The following LRRC41 variants were observed in gnomAD, a reference collection of about 807,000 sequenced individuals.
The protein encoded by LRRC41 is leucine-rich repeat-containing protein 41.
A neutral mutation model predicts 72.1 loss-of-function variants in LRRC41; 17 were observed. The ratio of observed to expected loss-of-function variants is 0.24; its 90% CI spans 0.16 to 0.35. The LOEUF (loss-of-function observed/expected upper bound fraction) is 0.35. Ranked by LOEUF, LRRC41 falls within the 10% of genes least tolerant of loss-of-function variation. LRRC41 has a pLI of 1.00. For synonymous variants in LRRC41, 427 were observed against 431.0 expected (o/e 0.99, Z 0.11); for missense variants, 759 against 1,065.0 (o/e 0.71, Z 4.00).
intron 4 of LRRC41, among the ~76,000 whole-genome samples, chr1:46,283,006 A>G (rs1024722062): frequency 1.3e-5 from 2 of 151,656 alleles, no homozygotes; most frequent in South Asian, 4.2e-4. Context: ...CCTGGGTGAC[A>G]ACAGAGACTC....
At chr1:46,301,612 T>G (rs1661224805) in intron 1 of LRRC41, among the ~76,000 whole-genome samples, 1 of 151,772 alleles carries the variant, frequency 6.6e-6, no homozygotes, top group African/African-American at 2.4e-5. Context: ...CTCCAGCTTA[T>G]CCCGGAGCTT....
intron 2 of LRRC41, 42 bp downstream of exon 2, chr1:46,298,242 G>GA: frequency 7.4e-7 from 1 of 1,345,918 alleles, no homozygotes; most frequent in Non-Finnish European, 1.1e-6. Flanking sequence ...ATGGTGCCTT[G>GA]CTCATAATCA....
chr1:46,298,144 A>G (rs1661159841), intron 2 of LRRC41, 140 bp downstream of exon 2: 1 of 597,968 alleles, frequency 1.7e-6, no homozygotes, highest in Non-Finnish European at 2.9e-6. Flanking sequence ...ACACTGAGGA[A>G]TGAGGAAGAA....
At position 46,280,520 on chromosome 1, in the gene LRRC41, T is replaced by C; in HGVS notation, c.1797A>G (p.Gly599=). Residue 599 remains glycine, a synonymous_variant, in exon 6 of 10, where the codon GGA becomes GGG. Coordinates refer to ENST00000617190, the MANE Select transcript of LRRC41 (RefSeq NM_006369.5). ...AGCACAGCAGTGGGGCTGGCTGGGC[T>C]CCCCGTGGAAATCCCATCTCCAACT... ...LEQLEMGFPR[G]AQPAPLLCSV... is the part of the protein sequence containing the mutation. The C allele has an allele frequency of 6.2e-7, 1 of 1,614,056 alleles. No homozygotes were observed. The highest frequency in any genetic ancestry group is 8.5e-7 in the Non-Finnish European group (1 of 1,180,024).
At chr1:46,287,658 C>G (rs1168767546) in intron 3 of LRRC41, among the ~76,000 whole-genome samples, 1 of 152,196 alleles carries the variant, frequency 6.6e-6, no homozygotes, top group Non-Finnish European at 1.5e-5. Context: ...TGCCTATGTC[C>G]TTTCCTACAT....
intron 3 of LRRC41, among the ~76,000 whole-genome samples, chr1:46,289,398 G>A (rs1396459788): frequency 6.6e-6 from 1 of 152,184 alleles, no homozygotes; most frequent in East Asian, 1.9e-4. Flanking sequence ...ACAGCTCTCA[G>A]TGGCTTCTTT....
chr1:46,295,028 C>T (rs1569660529), intron 3 of LRRC41, among the ~76,000 whole-genome samples: 1 of 152,004 alleles, frequency 6.6e-6, no homozygotes, highest in East Asian at 1.9e-4. Context: ...GCTTTTTCTC[C>T]AGAGTATCTA....
intron 3 of LRRC41, among the ~76,000 whole-genome samples, chr1:46,296,514 C>T (rs1397663513): frequency 6.6e-6 from 1 of 152,118 alleles, no homozygotes; most frequent in Non-Finnish European, 1.5e-5. Flanking sequence ...AGATCTGGTA[C>T]CTGGTTAAGT....
intron 1 of LRRC41, chr1:46,300,521 GT>G (rs1557719963): frequency 4.6e-5 from 7 of 152,108 alleles, no homozygotes; most frequent in Non-Finnish European, 1.0e-4. Context: ...CACGAATGTA[GT>G]CCACATCACC....
chr1:46,303,059 C>G, intron 1 of LRRC41, 65 bp downstream of exon 1: 2 of 1,341,800 alleles, frequency 1.5e-6, no homozygotes, highest in Non-Finnish European at 1.9e-6. Context: ...TCGCCCCCCG[C>G]GCCCCCCGGC....
intron 7 of LRRC41, 60 bp downstream of exon 7, chr1:46,280,132 A>G (rs1400314961): frequency 7.6e-7 from 1 of 1,309,326 alleles, no homozygotes; most frequent in Non-Finnish European, 1.1e-6. Context: ...GCTCACTCAG[A>G]TTATGGCAGA....
At position 46,281,312 on chromosome 1, in the gene LRRC41, A is replaced by G; in HGVS notation, c.1569T>C (p.Arg523=). ...ALSGQAGCRL[R]ALHLSDLFSP... is the part of the protein sequence containing the mutation. ...AGAACAGGTCACTGAGATGCAGGGC[A>G]CGGAGGCGACATCCAGCCTGGCCTG... Residue 523 remains arginine, a synonymous_variant, in exon 5 of 10, where the codon CGT becomes CGC. Coordinates refer to ENST00000617190, the MANE Select transcript of LRRC41 (RefSeq NM_006369.5). 6.2e-7 allele frequency: 1 copy of G among 1,614,202 alleles called. No homozygotes were observed. The highest frequency in any genetic ancestry group is 8.5e-7 in the Non-Finnish European group (1 of 1,180,024).
At position 46,279,168 on chromosome 1, in the gene LRRC41, C is replaced by A; in HGVS notation, c.2219+14G>T. 6.2e-7 allele frequency: 1 copy of A among 1,614,032 alleles called. No homozygotes were observed. ...TGTAGCCCCATCCCTTGTCTTGCCC[C>A]TCCCCTCATGTACCTGATGTCCAGC... is the stretch of plus-strand genomic sequence containing the variant. On this transcript the variant is annotated intron_variant, in intron 9 of 9. Coordinates refer to ENST00000617190, the MANE Select transcript of LRRC41 (RefSeq NM_006369.5). This position sits in a 1 kb window ranked among gnomAD's most constrained non-coding sequence, Gnocchi z 4.5.
chr1:46,302,965 C>T lies in LRRC41; in HGVS notation c.199+159G>A. 1 of 984,688 alleles carries T rather than the reference C, an allele frequency of 1.0e-6. No individual in the cohort carries two copies. Among genetic ancestry groups the T allele is most frequent in the Non-Finnish European group, 1.2e-6 (1 of 829,734 alleles). 61.0% of individuals were successfully genotyped at this position (984,688 alleles called of 1,614,324 possible). A position where few individuals can be genotyped will look rare whatever the true frequency, so the allele number is the denominator to read the frequency against. Reference sequence around the variant, plus strand: ...GGTCTCCGTCTTTACTCTGTCCAGCCCTGTCAGTCACAAAATTCATTCTCC... The same window carrying T: ...GGTCTCCGTCTTTACTCTGTCCAGCTCTGTCAGTCACAAAATTCATTCTCC... On this transcript the variant is annotated intron_variant, in intron 1 of 9. Transcript: ENST00000617190. This position sits in a 1 kb window ranked among gnomAD's most constrained non-coding sequence, Gnocchi z 4.7.
intron 3 of LRRC41, among the ~76,000 whole-genome samples, chr1:46,291,030 T>C (rs939920294): frequency 3.3e-5 from 5 of 149,628 alleles, no homozygotes; most frequent in African/African-American, 1.2e-4. Context: ...GTTCAAGCTA[T>C]TCTCCTGCCT....
rs1661287321 is a variant in LRRC41 at position 46,303,292 on chromosome 1, T to G, written c.31A>C (p.Ser11Arg). 5 of 1,539,010 alleles carry G rather than the reference T, an allele frequency of 3.2e-6. No homozygotes were observed. Among genetic ancestry groups the G allele is most frequent in the Non-Finnish European group, 4.4e-6 (5 of 1,143,518 alleles). ...GCCGCTACCTCACAGAACCAGCAAC[T>G]CCGGGCGCGCCAGGCCTCGGGCGCC... MAAPEAWRAR[S>R]CWFCEVAAAT... The change falls in exon 1 of 10, where the codon AGT becomes CGT. Residue 11 changes from serine to arginine, a missense_variant. By Grantham distance (110) the Ser-to-Arg change is moderately radical. Around this residue, in one of 4 missense-constraint regions of LRRC41, gnomAD observed 106 missense variants for 66.1 expected, o/e 1.60. Transcript: ENST00000617190.
In LRRC41 at chr1:46,303,295, G is replaced by A. The variant is rs577864275; in HGVS notation, c.28C>T (p.Arg10Trp). MAAPEAWRARSCWFCEVAAA... is the reference protein window; with the variant it reads MAAPEAWRAWSCWFCEVAAA... ...GCTACCTCACAGAACCAGCAACTCC[G>A]GGCGCGCCAGGCCTCGGGCGCCGCC... Residue 10 changes from arginine to tryptophan, a missense_variant, in exon 1 of 10, where the codon CGG becomes TGG. Arg to Trp is a moderately radical substitution (Grantham distance 101). This residue lies in a region of LRRC41 where 106 missense variants were observed against 66.1 expected (regional missense o/e 1.60). Coordinates refer to ENST00000617190, the MANE Select transcript of LRRC41 (RefSeq NM_006369.5). 2.6e-6 allele frequency: 4 copies of A among 1,537,916 alleles called. No individual in the cohort carries two copies. The highest frequency in any genetic ancestry group is 1.2e-5 in the South Asian group (1 of 83,406).
intron 4 of LRRC41, among the ~76,000 whole-genome samples, chr1:46,283,689 T>G (rs1413994574): frequency 6.6e-6 from 1 of 151,634 alleles, no homozygotes; most frequent in Non-Finnish European, 1.5e-5. Context: ...GAACTCTGAA[T>G]AAACAGAGGA....
rs780952622 is a variant in LRRC41 at position 46,281,251 on chromosome 1, C to T, written c.1630G>A (p.Val544Met). 26 of 1,614,080 alleles carry T rather than the reference C, an allele frequency of 1.6e-5. No individual in the cohort carries two copies. Among genetic ancestry groups the T allele is most frequent in the South Asian group, 8.8e-5 (8 of 91,084 alleles). The change falls in exon 5 of 10, where the codon GTG becomes ATG. Residue 544 changes from valine to methionine, a missense_variant. Around this residue, in one of 4 missense-constraint regions of LRRC41, gnomAD observed 427 missense variants for 520.9 expected, o/e 0.82. Transcript: ENST00000617190. Reference protein sequence around the residue: ...LPILELTRAIVRALPLLRVLS... With the variant: ...LPILELTRAIMRALPLLRVLS... ...ACCCGTAGCAGGGGCAGTGCTCGCA[C>T]GATAGCACGTGTCAGCTCCAGGATG...
Sources: allele counts gnomAD v4.1 joint callset (sites outside exome capture counted in the v4.1 genomes callset), GRCh38; gene constraint gnomAD v4.1.1; regional missense constraint gnomAD v4.1.1; non-coding constraint Gnocchi (gnomAD v3.1); transcripts MANE v1.5; gene names NCBI Gene and HGNC (gene_info 2026-07-23, HGNC 2026-07-21).